The following SNX24 variants were observed in gnomAD, a reference collection of about 807,000 sequenced individuals.
SNX24 encodes sorting nexin-24.
A neutral mutation model predicts 28.7 loss-of-function variants in SNX24; 22 were observed. The observed-to-expected ratio is 0.77, with a 90% CI of 0.55 to 1.10. The LOEUF (loss-of-function observed/expected upper bound fraction) is 1.10. SNX24 is among the 50% of genes least tolerant of loss of function. The pLI is 0.00. For missense variants in SNX24, 221 were observed against 201.1 expected (o/e 1.10, Z -0.60); for synonymous variants, 69 against 71.5 (o/e 0.96, Z 0.18).
At chr5:122,849,550 G>A (rs1754800387) in intron 1 of SNX24, among the ~76,000 whole-genome samples, 2 of 151,498 alleles carry the variant, frequency 1.3e-5, no homozygotes, top group Admixed American at 6.6e-5. Flanking sequence ...AGGAAATACA[G>A]GACAAAATCT....
At chr5:122,912,490 A>T (rs1320157004) in intron 1 of SNX24, among the ~76,000 whole-genome samples, 1 of 152,098 alleles carries the variant, frequency 6.6e-6, no homozygotes, top group Admixed American at 6.5e-5. Context: ...TGCCCTGGCC[A>T]GAACTTCCAA....
chr5:122,891,258 T>A, intron 1 of SNX24: 1 of 929,524 alleles, frequency 1.1e-6, no homozygotes, highest in Non-Finnish European at 1.5e-6. Context: ...AATATCAATG[T>A]ATTCTATTTT....
At chr5:122,852,999 G>A (rs548567817) in intron 1 of SNX24, among the ~76,000 whole-genome samples, 1 of 151,622 alleles carries the variant, frequency 6.6e-6, no homozygotes, top group South Asian at 2.1e-4. Context: ...GGAGGCCATT[G>A]TGTAACAAGG....
chr5:122,864,608 G>C (rs1755636686), intron 1 of SNX24, among the ~76,000 whole-genome samples: 2 of 152,234 alleles, frequency 1.3e-5, no homozygotes, highest in African/African-American at 2.4e-5. Context: ...TCATGTCAGA[G>C]ACGAAGTCAT....
At chr5:122,939,908 C>A (rs1404502345) in intron 2 of SNX24, among the ~76,000 whole-genome samples, 2 of 152,176 alleles carry the variant, frequency 1.3e-5, no homozygotes, top group East Asian at 1.9e-4. Context: ...AGGTTTTAAA[C>A]CTTCAAGTGT....
intron 1 of SNX24, among the ~76,000 whole-genome samples, chr5:122,865,285 CA>C (rs545224496): frequency 4.4e-4 from 67 of 152,268 alleles, no homozygotes; most frequent in African/African-American, 1.5e-3. Context: ...TAAAGAAAGG[CA>C]AAGTAAAATA....
At chr5:122,889,339 T>C (rs778585824) in intron 1 of SNX24, among the ~76,000 whole-genome samples, 3 of 152,006 alleles carry the variant, frequency 2.0e-5, no homozygotes, top group Non-Finnish European at 2.9e-5. Context: ...CACTCATCTA[T>C]CTATCTGTAT....
chr5:122,921,572 G>A (rs1160932580), intron 1 of SNX24, among the ~76,000 whole-genome samples: 1 of 152,118 alleles, frequency 6.6e-6, no homozygotes, highest in South Asian at 2.1e-4. Context: ...TTCACATCCA[G>A]GTGATGTAGG....
intron 1 of SNX24, among the ~76,000 whole-genome samples, chr5:122,862,601 C>CA (rs1211312668): frequency 0.035 from 1,970 of 55,500 alleles, 35 homozygotes; most frequent in African/African-American, 0.11. Flanking sequence ...GACTCTGTCT[C>CA]AAAAAAAAAA....
chr5:122,924,804 G>T lies in SNX24; in HGVS notation c.61-11930G>T, dbSNP rs561162094. Reference sequence around the variant, plus strand: ...GGCTCAGAGTTGATAAGCAACATCTGTAAGGAAATACAGCCAGGAAGTAGC... The same window carrying T: ...GGCTCAGAGTTGATAAGCAACATCTTTAAGGAAATACAGCCAGGAAGTAGC... On this transcript the variant is annotated intron_variant, in intron 1 of 6. Transcript: ENST00000261369. Among the ~76,000 whole-genome samples the T allele has an allele frequency of 9.7e-4, 147 of 152,268 alleles. 1 individual carries two copies. Among genetic ancestry groups the T allele is most frequent in the African/African-American group, 3.5e-3 (145 of 41,546 alleles).
intron 1 of SNX24, among the ~76,000 whole-genome samples, chr5:122,887,599 C>CTATT (rs1756773938): frequency 6.6e-6 from 1 of 152,152 alleles, no homozygotes; most frequent in Non-Finnish European, 1.5e-5. Flanking sequence ...ATCTCTCTTG[C>CTATT]TATGTTCTGG....
In SNX24 at chr5:123,007,673, T is replaced by G; in HGVS notation, c.443-9T>G. The G allele has an allele frequency of 6.3e-7, 1 of 1,576,432 alleles. No individual in the cohort carries two copies. Reference sequence around the variant, plus strand: ...CTTTTTTTTTTCTTTTTTTTTTTCTTTTTTTCAGATTTTCCAAATGTGGTT... The same window carrying G: ...CTTTTTTTTTTCTTTTTTTTTTTCTGTTTTTCAGATTTTCCAAATGTGGTT... On this transcript the variant is annotated splice_polypyrimidine_tract_variant and intron_variant, in intron 6 of 6. Transcript: ENST00000261369.
At chr5:122,956,352 GA>G (rs150072652) in intron 3 of SNX24, among the ~76,000 whole-genome samples, 7 of 143,600 alleles carry the variant, frequency 4.9e-5, no homozygotes, top group Admixed American at 1.4e-4. Flanking sequence ...AAACACTTGG[GA>G]AAAAAAAAAT....
intron 6 of SNX24, among the ~76,000 whole-genome samples, chr5:123,002,403 C>T (rs1224030492): frequency 6.6e-6 from 1 of 152,108 alleles, no homozygotes; most frequent in African/African-American, 2.4e-5. Context: ...GAGGCCAAGG[C>T]GGGTGGATCA....
At chr5:122,861,604 A>C (rs982859238) in intron 1 of SNX24, among the ~76,000 whole-genome samples, 15 of 152,164 alleles carry the variant, frequency 9.9e-5, no homozygotes, top group Non-Finnish European at 1.8e-4. Context: ...AAAACCTTCC[A>C]CAAAGCTAAA....
chr5:123,012,354 A>T (rs1762600990), downstream of SNX24, among the ~76,000 whole-genome samples: 1 of 152,256 alleles, frequency 6.6e-6, no homozygotes. Context: ...ATTCTGACAC[A>T]TGCTGCAACA....
rs1183959877 is a variant in SNX24, at chr5:122,945,498, C to T, written c.145-557C>T. Among the ~76,000 whole-genome samples the T allele has an allele frequency of 2.0e-5, 3 of 152,322 alleles. No homozygotes were observed. The East Asian group carries it at 5.8e-4, about 29-fold the overall frequency. ...CCCAAAAGGCTTAGCTGAGAACTAT[C>T]ATTCAGTTTTCATGAATGGAGTTGG... On this transcript the variant is annotated intron_variant, in intron 2 of 6. Coordinates refer to ENST00000261369, the MANE Select transcript of SNX24 (RefSeq NM_014035.4).
At chr5:122,972,369 A>G (rs554932290) in intron 3 of SNX24, among the ~76,000 whole-genome samples, 12 of 152,318 alleles carry the variant, frequency 7.9e-5, no homozygotes, top group African/African-American at 2.9e-4. Flanking sequence ...TAGACGCGTG[A>G]ATCCTGGCTA....
chr5:122,916,232 C>G lies in SNX24; in HGVS notation c.61-20502C>G, dbSNP rs576066196. Among the ~76,000 whole-genome samples the G allele has an allele frequency of 1.1e-4, 16 of 152,308 alleles. 1 individual carries two copies. Among genetic ancestry groups the G allele is most frequent in the African/African-American group, 3.1e-4 (13 of 41,560 alleles). ...TGGTTTTTGTTTCATTATTAGTAGT[C>G]TGAGTCTGCATAGGAGACTTCTTCA... is the stretch of plus-strand genomic sequence containing the variant. On this transcript the variant is annotated intron_variant, in intron 1 of 6. Coordinates refer to ENST00000261369, the MANE Select transcript of SNX24 (RefSeq NM_014035.4).
Sources: gnomAD v4.1 joint callset for allele counts (sites outside exome capture counted in the v4.1 genomes callset) on GRCh38, gnomAD v4.1.1 for gene constraint, MANE v1.5 for transcripts, NCBI Gene and HGNC (gene_info 2026-07-23, HGNC 2026-07-21) for gene names.